The following LCA5L variants were observed in gnomAD, a reference collection of about 807,000 sequenced individuals.
The protein encoded by LCA5L is lebercilin-like protein.
A neutral mutation model predicts 45.4 loss-of-function variants in LCA5L; 35 were observed. The ratio of observed to expected loss-of-function variants is 0.77; its 90% CI spans 0.59 to 1.02. The LOEUF is 1.02. LCA5L is among the 50% of genes least tolerant of loss of function. The pLI is 0.00. For missense variants in LCA5L, 668 were observed against 761.6 expected (o/e 0.88, Z 1.45); for synonymous variants, 233 against 264.7 (o/e 0.88, Z 1.16).
At chr21:39,411,288 G>T in intron 8 of LCA5L, 1 of 209,904 alleles carries the variant, frequency 4.8e-6, no homozygotes, top group South Asian at 7.8e-5. Context: ...CTTGATTGGG[G>T]TGGTGGCTCC....
At chr21:39,441,006 G>A (rs57885960) in intron 2 of LCA5L, among the ~76,000 whole-genome samples, 6,503 of 152,198 alleles carry the variant, frequency 0.043, 433 homozygotes, top group African/African-American at 0.15. Flanking sequence ...AATTTTGCGA[G>A]TCACTCTAAA....
chr21:39,436,768 G>A (rs760824700), intron 2 of LCA5L, among the ~76,000 whole-genome samples: 9 of 152,070 alleles, frequency 5.9e-5, no homozygotes, highest in African/African-American at 1.4e-4. Context: ...GGCATGATCC[G>A]GGCCACAGCA....
chr21:39,414,514 T>C (rs1288151133), intron 7 of LCA5L, among the ~76,000 whole-genome samples: 1 of 152,154 alleles, frequency 6.6e-6, no homozygotes, highest in Non-Finnish European at 1.5e-5. Context: ...TGTGGCAGAC[T>C]GTATTTTCCT....
intron 8 of LCA5L, among the ~76,000 whole-genome samples, chr21:39,410,658 T>C (rs1014565860): frequency 6.6e-5 from 10 of 152,134 alleles, no homozygotes; most frequent in Admixed American, 5.2e-4. Context: ...TTCAGCAAGG[T>C]AGACGTGTAA....
intron 5 of LCA5L, chr21:39,427,802 A>G (rs1340508525): frequency 6.3e-6 from 1 of 158,842 alleles, no homozygotes; most frequent in African/African-American, 2.4e-5. Flanking sequence ...ATAGGTATTT[A>G]CATTTCACTG....
At chr21:39,442,017 G>A (rs1273488090) in intron 2 of LCA5L, among the ~76,000 whole-genome samples, 1 of 152,210 alleles carries the variant, frequency 6.6e-6, no homozygotes, top group African/African-American at 2.4e-5. Context: ...TGGGCCTTAT[G>A]TCAGTAATGA....
intron 2 of LCA5L, among the ~76,000 whole-genome samples, chr21:39,439,934 G>T (rs2076650753): frequency 6.6e-6 from 1 of 152,160 alleles, no homozygotes; most frequent in Non-Finnish European, 1.5e-5. Context: ...CTGAAAGAGG[G>T]AAGGCTGGAA....
chr21:39,423,895 CTG>C (rs993134308), intron 5 of LCA5L, among the ~76,000 whole-genome samples: 3 of 152,160 alleles, frequency 2.0e-5, no homozygotes, highest in Non-Finnish European at 4.4e-5. Context: ...TGGCTCATGT[CTG>C]TAATCTCTAC....
intron 6 of LCA5L, among the ~76,000 whole-genome samples, chr21:39,421,341 G>A (rs2073737615): frequency 2.6e-5 from 4 of 152,040 alleles, no homozygotes; most frequent in Admixed American, 2.6e-4. Flanking sequence ...GCCCACCTCG[G>A]CCTCCCAAAG....
chr21:39,436,415 C>T (rs184765258), intron 2 of LCA5L, among the ~76,000 whole-genome samples: 260 of 152,164 alleles, frequency 1.7e-3, no homozygotes, highest in Admixed American at 2.4e-3. Flanking sequence ...ATAATTAATT[C>T]ATAAGGATAA....
chr21:39,410,113 C>A lies in LCA5L; in HGVS notation c.1165-17G>T. 6.5e-7 allele frequency: 1 copy of A among 1,533,486 alleles called. No individual in the cohort carries two copies. The highest frequency in any genetic ancestry group is 9.0e-7 in the Non-Finnish European group (1 of 1,108,800). The allele number at this position is 1,533,486 out of a possible 1,614,324, so 95.0% of individuals were successfully genotyped here. A position where few individuals can be genotyped will look rare whatever the true frequency, so the allele number is the denominator to read the frequency against. ...CTTTTTACCCTGTAATTTAGAAAAG[C>A]AGCAAAAACACATTTTGGGGGGTCT... On this transcript the variant is annotated splice_polypyrimidine_tract_variant and intron_variant, in intron 9 of 10. Coordinates refer to ENST00000288350, the MANE Select transcript of LCA5L (RefSeq NM_152505.4).
At chr21:39,416,491 A>G (rs1178359697) in intron 7 of LCA5L, among the ~76,000 whole-genome samples, 1 of 152,118 alleles carries the variant, frequency 6.6e-6, no homozygotes, top group African/African-American at 2.4e-5. Context: ...CCAGACCTAG[A>G]ATTTTTTTAG....
At chr21:39,437,241 T>A (rs2076375236) in intron 2 of LCA5L, among the ~76,000 whole-genome samples, 1 of 152,188 alleles carries the variant, frequency 6.6e-6, no homozygotes, top group Non-Finnish European at 1.5e-5. Context: ...AAAAACAGCT[T>A]TAAGCTTAAT....
rs200723401 is a variant in LCA5L, at chr21:39,417,965, G to A, written c.975+2741C>T. Among the ~76,000 whole-genome samples the A allele has an allele frequency of 3.0e-4, 46 of 152,144 alleles. No homozygotes were observed. In the South Asian group the frequency reaches 4.8e-3, roughly 16 times the overall value. ...TATTTTTTAGTAGAGATGGGGTTTC[G>A]CCGTGTTTGCCAGGATTGTCTCCAT... is the stretch of plus-strand genomic sequence containing the variant. On this transcript the variant is annotated intron_variant, in intron 7 of 10. Coordinates refer to ENST00000288350, the MANE Select transcript of LCA5L (RefSeq NM_152505.4).
chr21:39,436,896 T>G (rs575063182), intron 2 of LCA5L, among the ~76,000 whole-genome samples: 1 of 152,280 alleles, frequency 6.6e-6, no homozygotes, highest in East Asian at 1.9e-4. Context: ...CCTTCCCCAT[T>G]TCATTTTTTC....
At chr21:39,445,549 T>A (rs1406826235) in intron 1 of LCA5L, 176 bp downstream of exon 1, 1 of 152,648 alleles carries the variant, frequency 6.6e-6, no homozygotes, top group Non-Finnish European at 1.5e-5. Flanking sequence ...CTTGGCAAAC[T>A]GTGCCGCGAG....
At chr21:39,417,883 A>G (rs959207451) in intron 7 of LCA5L, among the ~76,000 whole-genome samples, 3 of 152,072 alleles carry the variant, frequency 2.0e-5, no homozygotes, top group Non-Finnish European at 2.9e-5. Flanking sequence ...CTCCTGCCTC[A>G]GCCTCCCAAG....
Position 39,427,662 on chromosome 21 carries a change from CAA to C in LCA5L, c.322+508_322+509del, listed in dbSNP as rs201955094. On this transcript the variant is annotated intron_variant, in intron 5 of 10. Coordinates refer to ENST00000288350, the MANE Select transcript of LCA5L (RefSeq NM_152505.4). ...GGGTAACCAGAGCAAGACTCTGTCT[CAA>C]AAAAAAAAAAAAAAAATCTACAAAG... 352 of 94,704 alleles carry C rather than the reference CAA, an allele frequency of 3.7e-3. 4 individuals are homozygous for C. Among genetic ancestry groups the C allele is most frequent in the African/African-American group, 0.011 (296 of 26,368 alleles). 5.9% of individuals were successfully genotyped at this position (94,704 alleles called of 1,614,324 possible).
At chr21:39,432,006 C>T (rs2148048174) in intron 3 of LCA5L, among the ~76,000 whole-genome samples, 1 of 152,300 alleles carries the variant, frequency 6.6e-6, no homozygotes, top group East Asian at 1.9e-4. Context: ...GCAAAAATAT[C>T]TGAAAATCAA....
Sources: gnomAD v4.1 joint callset for allele counts (sites outside exome capture counted in the v4.1 genomes callset) on GRCh38, gnomAD v4.1.1 for gene constraint, MANE v1.5 for transcripts, NCBI Gene and HGNC (gene_info 2026-07-23, HGNC 2026-07-21) for gene names.